The following FANCL variants were observed in gnomAD, a reference collection of about 807,000 sequenced individuals.
The protein encoded by FANCL is FA complementation group L.
In FANCL, 69 loss-of-function variants were observed where a neutral mutation model predicts 59.4. The ratio of observed to expected loss-of-function variants is 1.16; its 90% CI spans 0.96 to 1.42. The LOEUF is 1.42. Among genes scored for constraint, FANCL ranks in the 40% most tolerant of loss-of-function variants. The pLI is 0.00. For synonymous variants in FANCL, 180 were observed against 147.1 expected, an observed-to-expected ratio of 1.22 and a Z score of -1.62; for missense variants, 519 against 447.2, an observed-to-expected ratio of 1.16 and a Z score of -1.45.
intron 7 of FANCL, among the ~76,000 whole-genome samples, chr2:58,186,239 TAAGTC>T (rs1688391940): frequency 6.6e-6 from 1 of 152,100 alleles, no homozygotes; most frequent in Non-Finnish European, 1.5e-5. Flanking sequence ...TCTTGAAAAA[TAAGTC>T]AAATAATCAA....
At chr2:58,196,728 T>TA (rs1689463504) in intron 7 of FANCL, among the ~76,000 whole-genome samples, 1 of 151,958 alleles carries the variant, frequency 6.6e-6, no homozygotes, top group South Asian at 2.1e-4. Flanking sequence ...TTTCCACAGA[T>TA]AAATGCCTGG....
chr2:58,221,604 A>C (rs1241343887), intron 5 of FANCL, among the ~76,000 whole-genome samples: 2 of 152,170 alleles, frequency 1.3e-5, no homozygotes, highest in Non-Finnish European at 2.9e-5. Flanking sequence ...GAAATACTGC[A>C]ATTTTTCCAG....
chr2:58,217,364 G>A (rs1691944282), intron 5 of FANCL, among the ~76,000 whole-genome samples: 1 of 150,518 alleles, frequency 6.6e-6, no homozygotes, highest in South Asian at 2.1e-4. Context: ...CCCTCTGGAG[G>A]CTCTAGGAGA....
chr2:58,179,792 A>T (rs1687739288), intron 7 of FANCL, among the ~76,000 whole-genome samples: 1 of 152,200 alleles, frequency 6.6e-6, no homozygotes, highest in Admixed American at 6.5e-5. Context: ...GTGAACAGGC[A>T]ATCTACATAA....
At chr2:58,171,863 G>C (rs1389144360) in intron 7 of FANCL, among the ~76,000 whole-genome samples, 2 of 152,064 alleles carry the variant, frequency 1.3e-5, no homozygotes, top group Admixed American at 1.3e-4. Flanking sequence ...CAAAGAAAGG[G>C]GTGACAGACA....
intron 4 of FANCL, among the ~76,000 whole-genome samples, chr2:58,224,042 T>G (rs1370584136): frequency 1.3e-5 from 2 of 151,872 alleles, no homozygotes; most frequent in East Asian, 3.8e-4. Context: ...AATACAGGAT[T>G]TCATTTTTAT....
chr2:58,201,955 G>A (rs1217263306), intron 6 of FANCL, among the ~76,000 whole-genome samples: 1 of 151,394 alleles, frequency 6.6e-6, no homozygotes, highest in Non-Finnish European at 1.5e-5. Context: ...CCTACTTTGA[G>A]GTATGTTATT....
intron 7 of FANCL, among the ~76,000 whole-genome samples, chr2:58,185,651 G>A (rs897186548): frequency 6.6e-6 from 1 of 152,102 alleles, no homozygotes; most frequent in Non-Finnish European, 1.5e-5. Flanking sequence ...ATTAAGCAGG[G>A]TAAGGACAGG....
chr2:58,196,968 G>A (rs1689493588), intron 7 of FANCL, among the ~76,000 whole-genome samples: 1 of 151,670 alleles, frequency 6.6e-6, no homozygotes, highest in South Asian at 2.1e-4. Flanking sequence ...TGGGTCTCAT[G>A]AAATTTTTTT....
At chr2:58,223,772 G>A (rs1692706034) in intron 4 of FANCL, among the ~76,000 whole-genome samples, 1 of 151,840 alleles carries the variant, frequency 6.6e-6, no homozygotes, top group Non-Finnish European at 1.5e-5. Context: ...TTGTTCACTT[G>A]TTAAATATAT....
Position 58,165,730 on chromosome 2 carries a change from C to G in FANCL, c.685G>C (p.Ala229Pro). ...TAATCCTCCTTGTCCCTACCTAATG[C>G]AATTCTGCGTGCTGTTGCACTCCGT... is the stretch of plus-strand genomic sequence containing the variant. The part of the protein sequence containing the change: ...PPRSATARRI[A>P]LGNNVSINIE... The change falls in exon 8 of 14, where the codon GCA becomes CCA. Residue 229 changes from alanine to proline, a missense_variant. Ala to Pro is a conservative substitution (Grantham distance 27). Transcript: ENST00000233741. The G allele has an allele frequency of 6.2e-7, 1 of 1,614,054 alleles. No homozygotes were observed. Among genetic ancestry groups the G allele is most frequent in the Non-Finnish European group, 8.5e-7 (1 of 1,179,954 alleles).
chr2:58,211,980 C>T (rs148979426), intron 5 of FANCL, among the ~76,000 whole-genome samples: 4,269 of 152,326 alleles, frequency 0.028, 196 homozygotes, highest in African/African-American at 0.094. Flanking sequence ...GTTCCAACCT[C>T]TGCCTGCTAC....
At chr2:58,215,013 C>G (rs1042406022) in intron 5 of FANCL, among the ~76,000 whole-genome samples, 1 of 152,182 alleles carries the variant, frequency 6.6e-6, no homozygotes, top group African/African-American at 2.4e-5. Context: ...CTCACCATCT[C>G]AATACAACAG....
At chr2:58,166,000 G>T in intron 7 of FANCL, 126 bp from the exon 8 acceptor site, 2 of 853,394 alleles carry the variant, frequency 2.3e-6, no homozygotes, top group Non-Finnish European at 3.8e-6. Flanking sequence ...GTAGACTCCA[G>T]TAAACAGTAG....
chr2:58,182,968 G>A (rs886508509), intron 7 of FANCL, among the ~76,000 whole-genome samples: 1 of 151,786 alleles, frequency 6.6e-6, no homozygotes, highest in African/African-American at 2.4e-5. Flanking sequence ...TACGGAAATA[G>A]TGTTAATCCT....
chr2:58,231,308 A>G (rs772093714), intron 2 of FANCL, among the ~76,000 whole-genome samples: 6 of 152,032 alleles, frequency 3.9e-5, no homozygotes, highest in Non-Finnish European at 7.4e-5. Context: ...CAGGTCTCAC[A>G]CTCTATTTCC....
chr2:58,203,917 T>G (rs2105145456), intron 6 of FANCL, among the ~76,000 whole-genome samples: 1 of 152,214 alleles, frequency 6.6e-6, no homozygotes, highest in East Asian at 1.9e-4. Flanking sequence ...AAGTCTGTAT[T>G]TTGAGCAAAT....
At chr2:58,228,070 C>CT (rs1693211153) in intron 3 of FANCL, among the ~76,000 whole-genome samples, 4 of 95,392 alleles carry the variant, frequency 4.2e-5, no homozygotes, top group Non-Finnish European at 6.1e-5. Flanking sequence ...ACAATATGGT[C>CT]ATTTTTTTTA....
At chr2:58,166,339 T>C (rs1010069239) in intron 7 of FANCL, among the ~76,000 whole-genome samples, 1 of 152,160 alleles carries the variant, frequency 6.6e-6, no homozygotes, top group Admixed American at 6.6e-5. Context: ...CCTTTAAATA[T>C]TATTAAAAAC....
Sources: allele counts gnomAD v4.1 joint callset (sites outside exome capture counted in the v4.1 genomes callset), GRCh38; gene constraint gnomAD v4.1.1; transcripts MANE v1.5; gene names NCBI Gene and HGNC (gene_info 2026-07-23, HGNC 2026-07-21).